The following RIPOR2 variants were observed in gnomAD, a reference collection of about 807,000 sequenced individuals.
The protein encoded by RIPOR2 is rho family-interacting cell polarization regulator 2.
A neutral mutation model predicts 114.5 loss-of-function variants in RIPOR2; 39 were observed. The ratio of observed to expected loss-of-function variants is 0.34; its 90% CI spans 0.26 to 0.44. RIPOR2 has a LOEUF of 0.44. Ranked by LOEUF, RIPOR2 falls within the 20% of genes least tolerant of loss-of-function variation. RIPOR2 has a pLI of 1.00. For synonymous variants in RIPOR2, 445 were observed against 484.4 expected (o/e 0.92, Z 1.07); for missense variants, 1,007 against 1,255.1 (o/e 0.80, Z 2.99).
chr6:24,973,540 G>T (rs780929052), intron 1 of RIPOR2, among the ~76,000 whole-genome samples: 10 of 151,266 alleles, frequency 6.6e-5, no homozygotes, highest in Non-Finnish European at 1.2e-4. Flanking sequence ...GAGATTGCAG[G>T]GAGCTGAGAT....
At chr6:24,986,641 C>A (rs1330502567) in intron 1 of RIPOR2, among the ~76,000 whole-genome samples, 1 of 152,190 alleles carries the variant, frequency 6.6e-6, no homozygotes, top group Admixed American at 6.5e-5. Flanking sequence ...CCTGACCTCA[C>A]CTGAAACGCT....
intron 1 of RIPOR2, among the ~76,000 whole-genome samples, chr6:25,031,556 GATAT>G (rs3056856): frequency 7.0e-6 from 1 of 143,000 alleles, no homozygotes; most frequent in Non-Finnish European, 1.5e-5. Flanking sequence ...AAGATTGACT[GATAT>G]ATATATATAT....
intron 10 of RIPOR2, among the ~76,000 whole-genome samples, chr6:24,850,170 A>T (rs909627621): frequency 2.8e-5 from 4 of 144,126 alleles, no homozygotes; most frequent in African/African-American, 1.0e-4. Flanking sequence ...GATCATGGCT[A>T]ATTGCAGCCT....
Position 25,017,305 on chromosome 6 carries a change from G to C in RIPOR2, c.76+24546C>G, listed in dbSNP as rs538561458. Among the ~76,000 whole-genome samples the C allele has an allele frequency of 2.0e-5, 3 of 152,320 alleles. No individual in the cohort carries two copies. The East Asian group carries it at 5.8e-4, about 29-fold the overall frequency. On this transcript the variant is annotated intron_variant, in intron 1 of 13. Transcript: ENST00000510784. ...CCACTGCACTCCAGCCTGGGTGACA[G>C]ACTCTGTCTCAAAAGAAAAATGGCA...
In RIPOR2 at chr6:25,022,220, C is replaced by T. The variant is rs192866431; in HGVS notation, c.76+19631G>A. Among the ~76,000 whole-genome samples the T allele has an allele frequency of 2.9e-3, 438 of 152,266 alleles. 2 individuals are homozygous for T. The highest frequency in any genetic ancestry group is 9.9e-3 in the African/African-American group (412 of 41,542). Reference sequence around the variant, plus strand: ...ATCATATGAAAAAAGTTTCCTCATGCCTCCGTAGTCAACCTCTCTAACCAG... The same window carrying T: ...ATCATATGAAAAAAGTTTCCTCATGTCTCCGTAGTCAACCTCTCTAACCAG... On this transcript the variant is annotated intron_variant, in intron 1 of 13. Coordinates refer to the RIPOR2 transcript ENST00000510784.
At position 24,870,893 on chromosome 6, in the gene RIPOR2, C is replaced by A. The variant is rs1015087374; in HGVS notation, c.424-4G>T. 7 of 1,583,778 alleles carry A rather than the reference C, an allele frequency of 4.4e-6. No homozygotes were observed. Among genetic ancestry groups the A allele is most frequent in the East Asian group, 2.3e-5 (1 of 43,756 alleles). The stretch of plus-strand genomic sequence containing the variant: ...TGTCTAGGTCATACAGTACACCCTA[C>A]AATAAAAAAAGGAATATCTGCATTT... On this transcript the variant is annotated splice_polypyrimidine_tract_variant and splice_region_variant and intron_variant, in intron 4 of 21. Transcript: ENST00000643898.
At position 24,850,585 on chromosome 6, in the gene RIPOR2, A is replaced by ACAATACTG; in HGVS notation, c.885+4_885+11dup. On this transcript the variant is annotated intron_variant, in intron 10 of 21. Coordinates refer to ENST00000643898, the MANE Select transcript of RIPOR2 (RefSeq NM_001286445.3). ...GCACCAGGAAAGACAACAGGCAATG[A>ACAATACTG]CAATACTGTACCTTGATGGAGATGA... 1.2e-6 allele frequency: 2 copies of ACAATACTG among 1,613,874 alleles called. No homozygotes were observed. The highest frequency in any genetic ancestry group is 2.2e-5 in the South Asian group (2 of 91,088).
chr6:24,911,697 A>G (rs1455021444), intron 1 of RIPOR2, among the ~76,000 whole-genome samples: 1 of 152,142 alleles, frequency 6.6e-6, no homozygotes, highest in Non-Finnish European at 1.5e-5. Flanking sequence ...CCTGATAGAC[A>G]GACATTCCCA....
chr6:24,847,839 G>C, intron 12 of RIPOR2, 186 bp downstream of exon 12: 2 of 1,177,706 alleles, frequency 1.7e-6, no homozygotes, highest in Admixed American at 5.4e-5. Context: ...AGAATGTTCA[G>C]AAAAATCTAC....
chr6:24,921,465 T>G (rs1770480725), intron 1 of RIPOR2, among the ~76,000 whole-genome samples: 1 of 151,630 alleles, frequency 6.6e-6, no homozygotes, highest in African/African-American at 2.4e-5. Context: ...TGCCCAGCCT[T>G]AGATCTTCTA....
At chr6:24,822,925 G>A (rs1194294859) in intron 19 of RIPOR2, among the ~76,000 whole-genome samples, 1 of 152,210 alleles carries the variant, frequency 6.6e-6, no homozygotes, top group Non-Finnish European at 1.5e-5. Context: ...ATTCCAGGAA[G>A]CAAACAGAAG....
chr6:25,036,937 G>T (rs943599950), intron 1 of RIPOR2, among the ~76,000 whole-genome samples: 1 of 152,138 alleles, frequency 6.6e-6, no homozygotes, highest in Non-Finnish European at 1.5e-5. Context: ...TGAGGAAGAT[G>T]GGGATGCCTT....
At chr6:24,935,783 T>C in intron 1 of RIPOR2, 55 bp downstream of exon 1, 1 of 1,265,992 alleles carries the variant, frequency 7.9e-7, no homozygotes. Flanking sequence ...TGTCCAGTGG[T>C]GTCAAAACAA....
intron 1 of RIPOR2, among the ~76,000 whole-genome samples, chr6:24,930,829 C>T (rs1328952766): frequency 6.6e-6 from 1 of 152,208 alleles, no homozygotes; most frequent in Non-Finnish European, 1.5e-5. Flanking sequence ...ACTAGGGCAG[C>T]CTCTTTCTGC....
intron 1 of RIPOR2, among the ~76,000 whole-genome samples, chr6:24,971,157 G>C (rs1419037582): frequency 6.6e-6 from 1 of 152,218 alleles, no homozygotes; most frequent in Admixed American, 6.5e-5. Flanking sequence ...AAGAGTGGCA[G>C]TCACCATAAT....
intron 1 of RIPOR2, among the ~76,000 whole-genome samples, chr6:25,036,164 A>G (rs1777242889): frequency 6.6e-6 from 1 of 152,224 alleles, no homozygotes; most frequent in African/African-American, 2.4e-5. Flanking sequence ...TGGCCGGCGA[A>G]GCAGAACAAG....
chr6:24,827,223 G>T (rs1376893240), intron 18 of RIPOR2, among the ~76,000 whole-genome samples: 3 of 152,140 alleles, frequency 2.0e-5, no homozygotes, highest in Non-Finnish European at 4.4e-5. Flanking sequence ...CCTCTGTGCT[G>T]GTGTCTGCCT....
chr6:24,996,093 C>T (rs1468429229), intron 1 of RIPOR2, among the ~76,000 whole-genome samples: 2 of 152,206 alleles, frequency 1.3e-5, no homozygotes, highest in African/African-American at 2.4e-5. Flanking sequence ...TGAGCCACCA[C>T]GCCTGGCCTA....
chr6:25,030,884 G>C (rs1157106317), intron 1 of RIPOR2: 1 of 152,082 alleles, frequency 6.6e-6, no homozygotes. Flanking sequence ...TTTTAGTAGA[G>C]GCGGGGTTTC....
Sources: gnomAD v4.1 joint callset for allele counts (sites outside exome capture counted in the v4.1 genomes callset) on GRCh38, gnomAD v4.1.1 for gene constraint, MANE v1.5 for transcripts, NCBI Gene and HGNC (gene_info 2026-07-23, HGNC 2026-07-21) for gene names.